GRID1: variants seen among roughly 807,000 people sequenced by gnomAD.
GRID1 encodes the protein glutamate receptor ionotropic, delta-1.
Under a neutral mutation model 98.0 loss-of-function variants are expected in GRID1, and 28 were observed. That is an observed-to-expected ratio of 0.29 (90% CI 0.21 to 0.39). The LOEUF is 0.39. Among genes scored for constraint, GRID1 ranks in the 10% least tolerant of loss-of-function variants. The probability of loss-of-function intolerance (pLI) is 1.00; values close to 1 mark genes in which losing one functional copy is unlikely to be tolerated. For synonymous variants in GRID1, 553 were observed against 538.5 expected, an observed-to-expected ratio of 1.03 and a Z score of -0.37; for missense variants, 1,111 against 1,340.5, an observed-to-expected ratio of 0.83 and a Z score of 2.67.
chr10:86,284,707 G>A (rs1847404181), intron 2 of GRID1, among the ~76,000 whole-genome samples: 1 of 152,240 alleles, frequency 6.6e-6, no homozygotes, highest in African/African-American at 2.4e-5. Flanking sequence ...AAAGCTAAGA[G>A]AGCGCCCTCA....
intron 2 of GRID1, among the ~76,000 whole-genome samples, chr10:86,319,622 T>G (rs1847943184): frequency 6.6e-6 from 1 of 151,294 alleles, no homozygotes; most frequent in Non-Finnish European, 1.5e-5. Flanking sequence ...GGGAGCACAC[T>G]CCAGCTATGA....
At chr10:85,743,898 T>C (rs1004524294) in intron 8 of GRID1, among the ~76,000 whole-genome samples, 2 of 152,154 alleles carry the variant, frequency 1.3e-5, no homozygotes, top group African/African-American at 4.8e-5. Flanking sequence ...CATAGGTGCA[T>C]AGATAGTTCA....
chr10:85,892,064 T>C (rs1008124679), intron 5 of GRID1, among the ~76,000 whole-genome samples: 1 of 151,820 alleles, frequency 6.6e-6, no homozygotes, highest in Admixed American at 6.6e-5. Flanking sequence ...AAGGCACAAA[T>C]TGGATTTAAC....
chr10:85,716,611 T>C (rs1841642636), intron 12 of GRID1, among the ~76,000 whole-genome samples: 1 of 148,698 alleles, frequency 6.7e-6, no homozygotes, highest in Non-Finnish European at 1.5e-5. Context: ...TATATGTACA[T>C]ATATAACGTA....
At chr10:86,339,506 C>T (rs1848278525) in intron 2 of GRID1, among the ~76,000 whole-genome samples, 1 of 152,264 alleles carries the variant, frequency 6.6e-6, no homozygotes, top group African/African-American at 2.4e-5. Flanking sequence ...GGCAGAACCA[C>T]ACTGCAGGAT....
chr10:86,038,796 G>A (rs939319283), intron 4 of GRID1, among the ~76,000 whole-genome samples: 12 of 152,122 alleles, frequency 7.9e-5, no homozygotes, highest in African/African-American at 2.9e-4. Flanking sequence ...TTGTGTGTTG[G>A]CTAAAGTGAT....
At chr10:85,845,725 C>T (rs969165485) in intron 8 of GRID1, among the ~76,000 whole-genome samples, 1 of 152,066 alleles carries the variant, frequency 6.6e-6, no homozygotes, top group Non-Finnish European at 1.5e-5. Flanking sequence ...CAATGGCAGT[C>T]GTCCCCTGAT....
intron 4 of GRID1, among the ~76,000 whole-genome samples, chr10:86,028,332 A>T (rs1342502533): frequency 1.3e-5 from 2 of 152,104 alleles, no homozygotes; most frequent in East Asian, 3.9e-4. Context: ...AAGGTTATGG[A>T]ATTTTATATA....
At chr10:85,915,796 T>C (rs947835330) in intron 5 of GRID1, among the ~76,000 whole-genome samples, 1 of 152,100 alleles carries the variant, frequency 6.6e-6, no homozygotes, top group Admixed American at 6.5e-5. Context: ...ACCCTTACCA[T>C]CTTGCATGAA....
At chr10:86,214,850 C>T (rs180788049) in intron 2 of GRID1, among the ~76,000 whole-genome samples, 62 of 152,286 alleles carry the variant, frequency 4.1e-4, no homozygotes, top group African/African-American at 1.4e-3. Flanking sequence ...TCCTGGGCTA[C>T]AAAGCAAGAC....
intron 4 of GRID1, among the ~76,000 whole-genome samples, chr10:86,121,421 T>A (rs59138210): frequency 0.91 from 120,898 of 132,540 alleles, 55,062 homozygotes; most frequent in East Asian, 1. Flanking sequence ...ACCATCATTA[T>A]CACCATTATC....
intron 12 of GRID1, among the ~76,000 whole-genome samples, chr10:85,697,233 T>C (rs780586000): frequency 4.6e-5 from 7 of 152,166 alleles, no homozygotes; most frequent in Non-Finnish European, 8.8e-5. Context: ...AAATTTTGAC[T>C]ATATTAGATT....
At chr10:85,619,771 T>C (rs1842836336) in intron 14 of GRID1, 96 bp downstream of exon 14, 1 of 894,560 alleles carries the variant, frequency 1.1e-6, no homozygotes, top group Admixed American at 2.3e-5. Context: ...CGAACAAAGA[T>C]GTTTGCATTG....
chr10:86,059,223 A>G (rs1384878791), intron 4 of GRID1, among the ~76,000 whole-genome samples: 1 of 152,166 alleles, frequency 6.6e-6, no homozygotes, highest in East Asian at 1.9e-4. Flanking sequence ...TCGCTGTGTG[A>G]GTGGATATCA....
intron 4 of GRID1, among the ~76,000 whole-genome samples, chr10:85,933,032 TC>T (rs953676588): frequency 2.6e-5 from 4 of 151,972 alleles, no homozygotes; most frequent in Non-Finnish European, 4.4e-5. Context: ...GAGAGTGGGG[TC>T]TAATAGAAGG....
At chr10:86,248,563 CTTTT>C (rs200060771) in intron 2 of GRID1, among the ~76,000 whole-genome samples, 6 of 121,850 alleles carry the variant, frequency 4.9e-5, no homozygotes, top group Non-Finnish European at 6.8e-5. Context: ...CATGACAATT[CTTTT>C]TTTTTTTTTT....
At chr10:85,837,891 C>A (rs1842924527) in intron 8 of GRID1, among the ~76,000 whole-genome samples, 1 of 151,950 alleles carries the variant, frequency 6.6e-6, no homozygotes, top group Non-Finnish European at 1.5e-5. Context: ...AGGTTGAAAC[C>A]CAACGTAAGG....
rs73342524 is a variant in GRID1, at chr10:85,874,647, G to T, written c.781-5467C>A. Among the ~76,000 whole-genome samples, 806 of 152,238 alleles carry T rather than the reference G, an allele frequency of 5.3e-3. 5 individuals are homozygous for T. Among genetic ancestry groups the T allele is most frequent in the African/African-American group, 0.018 (762 of 41,548 alleles). ...TCTCCACGTTCAGGAATGTTTGTTAGAACCAGGCTACAAACCCATCTAACT... is the reference window on the plus strand; with the variant it reads ...TCTCCACGTTCAGGAATGTTTGTTATAACCAGGCTACAAACCCATCTAACT... On this transcript the variant is annotated intron_variant, in intron 5 of 15. Coordinates refer to ENST00000327946, the MANE Select transcript of GRID1 (RefSeq NM_017551.3).
At chr10:86,032,036 C>T (rs1838225750) in intron 4 of GRID1, among the ~76,000 whole-genome samples, 1 of 152,210 alleles carries the variant, frequency 6.6e-6, no homozygotes, top group African/African-American at 2.4e-5. Flanking sequence ...ATCTTTTCCC[C>T]TTACTCATCT....
Sources: gnomAD v4.1 joint callset for allele counts (sites outside exome capture counted in the v4.1 genomes callset) on GRCh38, gnomAD v4.1.1 for gene constraint, MANE v1.5 for transcripts, NCBI Gene and HGNC (gene_info 2026-07-23, HGNC 2026-07-21) for gene names.